The following UBE3B variants were observed in gnomAD, a reference collection of about 807,000 sequenced individuals.
The protein encoded by UBE3B is ubiquitin protein ligase E3B.
Under a neutral mutation model 132.3 loss-of-function variants are expected in UBE3B, and 80 were observed. The ratio of observed to expected loss-of-function variants is 0.60; its 90% CI spans 0.50 to 0.73. The LOEUF (loss-of-function observed/expected upper bound fraction) is 0.73. UBE3B is among the 30% of genes least tolerant of loss of function. UBE3B has a pLI of 0.00. For missense variants in UBE3B, 1,196 were observed against 1,362.5 expected (o/e 0.88, Z 1.92); for synonymous variants, 487 against 520.4 (o/e 0.94, Z 0.87).
chr12:109,493,374 C>T (rs776246224), intron 9 of UBE3B, among the ~76,000 whole-genome samples: 1 of 152,208 alleles, frequency 6.6e-6, no homozygotes, highest in Non-Finnish European at 1.5e-5. Flanking sequence ...GAGCACCTCA[C>T]CTTTCTTACC....
intron 22 of UBE3B, 66 bp downstream of exon 22, chr12:109,524,181 A>G: frequency 6.2e-7 from 1 of 1,600,012 alleles, no homozygotes. Context: ...GCGAAGTCCC[A>G]GAAGGAGATG....
chr12:109,496,320 A>G (rs1035463972), intron 9 of UBE3B, among the ~76,000 whole-genome samples: 2 of 152,218 alleles, frequency 1.3e-5, no homozygotes, highest in Middle Eastern at 3.2e-3. Flanking sequence ...CTTTTTGGCT[A>G]TTATAAATAG....
Position 109,507,572 on chromosome 12 carries a change from T to C in UBE3B, c.1459T>C (p.Tyr487His), listed in dbSNP as rs769063939. 1.7e-5 allele frequency: 27 copies of C among 1,613,348 alleles called. No individual in the cohort carries two copies. Among genetic ancestry groups the C allele is most frequent in the Non-Finnish European group, 2.3e-5 (27 of 1,179,696 alleles). The change falls in exon 15 of 28, where the codon TAC (tyrosine) becomes CAC (histidine). Residue 487 changes from tyrosine (Y) to histidine (H), a missense_variant. Tyr to His is a moderately conservative substitution (Grantham distance 83). Transcript: ENST00000342494. The part of the protein sequence containing the change: ...IRLQILTGLT[Y>H]LDDLLPKLWA... ...CTCTGTGTTTTTTCCAGGTCTCACT[T>C]ACCTTGATGACCTGCTTCCCAAACT...
Position 109,486,577 on chromosome 12 carries a change from T to TAAA in UBE3B, c.447+4_447+5insAAA. 3.0e-6 allele frequency: 2 copies of TAAA among 656,978 alleles called. No homozygotes were observed. The highest frequency in any genetic ancestry group is 3.9e-6 in the Non-Finnish European group (2 of 509,196). The allele number at this position is 656,978 out of a possible 1,614,324, so 40.7% of individuals were successfully genotyped here. A position where few individuals can be genotyped will look rare whatever the true frequency, so the allele number is the denominator to read the frequency against. ...TGTGATTTTCTCAAGCAGCTCAAGG[T>TAAA]AACAAAAAAAAAAAAAAAAAAAAAA... On this transcript the variant is annotated splice_region_variant and intron_variant, in intron 6 of 27. Transcript: ENST00000342494.
At chr12:109,486,423 T>C (rs1161306328) in intron 5 of UBE3B, 48 bp from the exon 6 acceptor site, 1 of 1,440,680 alleles carries the variant, frequency 6.9e-7, no homozygotes, top group Non-Finnish European at 9.6e-7. Context: ...GCACAAGTGA[T>C]ATGATCTCTA....
intron 9 of UBE3B, among the ~76,000 whole-genome samples, chr12:109,494,908 TAGAGA>T (rs1310612967): frequency 2.0e-5 from 3 of 152,236 alleles, no homozygotes; most frequent in Non-Finnish European, 4.4e-5. Context: ...TGAGAACCCC[TAGAGA>T]ATGCCACAGC....
rs572620204 is a variant in UBE3B at position 109,492,461 on chromosome 12, G to T, written c.713+1334G>T. 6 of 152,340 alleles carry T rather than the reference G, an allele frequency of 3.9e-5. No homozygotes were observed. In the East Asian group the frequency reaches 1.2e-3, roughly 29 times the overall value. 9.4% of individuals were successfully genotyped at this position (152,340 alleles called of 1,614,324 possible). ...AGCCACATTTAAAAAGCCAAAAGAG[G>T]CCAGGCACGGCGGCCCATGCCTGTA... On this transcript the variant is annotated intron_variant, in intron 9 of 27. Transcript: ENST00000342494.
chr12:109,504,013 C>T (rs1879336681), intron 14 of UBE3B, among the ~76,000 whole-genome samples: 1 of 152,188 alleles, frequency 6.6e-6, no homozygotes, highest in Non-Finnish European at 1.5e-5. Context: ...GTTCTTCGTT[C>T]TCAAGGGGAT....
Position 109,522,477 on chromosome 12 carries a change from T to G in UBE3B, c.2364+926T>G, listed in dbSNP as rs1281640488. Among the ~76,000 whole-genome samples, 2 of 152,202 alleles carry G rather than the reference T, an allele frequency of 1.3e-5. No homozygotes were observed. The highest frequency in any genetic ancestry group is 4.8e-5 in the African/African-American group (2 of 41,452). On this transcript the variant is annotated intron_variant, in intron 21 of 27. Transcript: ENST00000342494. This position sits in a 1 kb window ranked among gnomAD's most constrained non-coding sequence, Gnocchi z 4.2. ...TGGCCTTCGCAGTGGGCTCCAGAGC[T>G]GCAGGGACCCTGCCTGGGTCTCAGG...
In UBE3B at chr12:109,534,791, C is replaced by CCAGCCCTGG; in HGVS notation, c.*17_*18insGCAGCCCTG. On this transcript the variant is annotated 3_prime_UTR_variant, in exon 28 of 28. Coordinates refer to ENST00000342494, the MANE Select transcript of UBE3B (RefSeq NM_130466.4). This position sits in a 1 kb window ranked among gnomAD's most constrained non-coding sequence, Gnocchi z 5.2. ...GCTTTGAACTCTCCTAGCTCCTGTC[C>CCAGCCCTGG]CAGCCCTGCCTCCAGGGCTCCTGGG... 1.3e-6 allele frequency: 2 copies of CCAGCCCTGG among 1,496,726 alleles called. No homozygotes were observed. The highest frequency in any genetic ancestry group is 1.8e-6 in the Non-Finnish European group (2 of 1,121,132). 92.7% of individuals were successfully genotyped at this position (1,496,726 alleles called of 1,614,324 possible).
At chr12:109,510,185 G>A (rs1266966581) in intron 16 of UBE3B, among the ~76,000 whole-genome samples, 159 bp from the exon 17 acceptor site, 1 of 152,158 alleles carries the variant, frequency 6.6e-6, no homozygotes, top group African/African-American at 2.4e-5. Context: ...CAGACACTTA[G>A]CACTTACCCA....
chr12:109,523,736 G>T (rs1240278147), intron 21 of UBE3B, among the ~76,000 whole-genome samples: 1 of 152,222 alleles, frequency 6.6e-6, no homozygotes. Context: ...AGCCCAGCTA[G>T]GATTTAATCC....
At chr12:109,543,758 G>C in the UBE3B span, among the ~76,000 whole-genome samples, 2 of 152,118 alleles carry the variant, frequency 1.3e-5, no homozygotes, top group Non-Finnish European at 2.9e-5. Flanking sequence ...ACTTGAACCC[G>C]GGCGGCAGAA....
chr12:109,515,557 T>TG (rs1880935796), intron 18 of UBE3B, among the ~76,000 whole-genome samples: 2 of 152,022 alleles, frequency 1.3e-5, no homozygotes, highest in Non-Finnish European at 2.9e-5. Flanking sequence ...TTAGTAGAGT[T>TG]GGGGTTTCTC....
intron 18 of UBE3B, among the ~76,000 whole-genome samples, chr12:109,514,835 G>A (rs555964783): frequency 4.6e-5 from 7 of 151,912 alleles, no homozygotes; most frequent in East Asian, 3.9e-4. Context: ...GTCCTGTCAC[G>A]TCTAGATCTG....
chr12:109,514,915 C>T (rs994402432), intron 18 of UBE3B, among the ~76,000 whole-genome samples: 54 of 143,690 alleles, frequency 3.8e-4, no homozygotes, highest in African/African-American at 1.3e-3. Context: ...CTTTCTTCTT[C>T]TTTTTTTTTT....
rs35245384 is a variant in UBE3B, at chr12:109,534,173, G to A, written c.3016-418G>A. 2,313 of 1,245,552 alleles carry A rather than the reference G, an allele frequency of 1.9e-3. 41 individuals are homozygous for A. In the African/African-American group the frequency reaches 0.033, roughly 18 times the overall value. The allele number at this position is 1,245,552 out of a possible 1,614,324, so 77.2% of individuals were successfully genotyped here. ...TTGTACAGGAAGCTACACAGTCCTC[G>A]GCCTCCATGCTTAAGGGAAAGTTGG... On this transcript the variant is annotated intron_variant, in intron 27 of 27. Coordinates refer to ENST00000342494, the MANE Select transcript of UBE3B (RefSeq NM_130466.4). This position sits in a 1 kb window ranked among gnomAD's most constrained non-coding sequence, Gnocchi z 5.2.
Position 109,507,543 on chromosome 12 carries a change from GT to G in UBE3B, c.1451-18del, listed in dbSNP as rs1879844298. ...GGTGGAGTCTCCACCTGAAGCTTGG[GT>G]TTCTCTGTGTTTTTTCCAGGTCTCA... On this transcript the variant is annotated intron_variant, in intron 14 of 27. Coordinates refer to ENST00000342494, the MANE Select transcript of UBE3B (RefSeq NM_130466.4). 1 of 1,605,918 alleles carries G rather than the reference GT, an allele frequency of 6.2e-7. No individual in the cohort carries two copies. The highest frequency in any genetic ancestry group is 1.7e-5 in the Admixed American group (1 of 58,860).
chr12:109,523,161 A>C (rs1023221147), intron 21 of UBE3B, among the ~76,000 whole-genome samples: 3 of 152,202 alleles, frequency 2.0e-5, no homozygotes, highest in Non-Finnish European at 4.4e-5. Context: ...GACAGGTGTC[A>C]TCAAGTCCGA....
Sources: allele counts gnomAD v4.1 joint callset (sites outside exome capture counted in the v4.1 genomes callset), GRCh38; gene constraint gnomAD v4.1.1; non-coding constraint Gnocchi (gnomAD v3.1); transcripts MANE v1.5; gene names NCBI Gene and HGNC (gene_info 2026-07-23, HGNC 2026-07-21).